Variants in NR3C2 observed in about 807,000 individuals in gnomAD.
NR3C2 encodes the protein mineralocorticoid receptor.
In NR3C2, 15 loss-of-function variants were observed where a neutral mutation model predicts 86.4. That is an observed-to-expected ratio of 0.17 (90% CI 0.12 to 0.27). NR3C2 has a LOEUF of 0.27. NR3C2 is among the 10% of genes least tolerant of loss of function. The pLI, the probability that NR3C2 is intolerant of heterozygous loss-of-function variation, is 1.00. For missense variants in NR3C2, 960 were observed against 1,195.6 expected (o/e 0.80, Z 2.91); for synonymous variants, 458 against 450.5 (o/e 1.02, Z -0.21).
At chr4:148,376,835 T>A (rs1746704642) in intron 2 of NR3C2, among the ~76,000 whole-genome samples, 2 of 152,174 alleles carry the variant, frequency 1.3e-5, no homozygotes, top group South Asian at 4.1e-4. Context: ...TACAGGATAT[T>A]CCTAATTTAT....
At chr4:148,236,427 GA>G (rs2149842716) in intron 3 of NR3C2, among the ~76,000 whole-genome samples, 1 of 152,136 alleles carries the variant, frequency 6.6e-6, no homozygotes, top group East Asian at 1.9e-4. Flanking sequence ...TCATATGGGT[GA>G]AAAGATAACT....
chr4:148,346,002 G>C (rs770077043), intron 2 of NR3C2, among the ~76,000 whole-genome samples: 6 of 152,118 alleles, frequency 3.9e-5, no homozygotes, highest in Non-Finnish European at 7.4e-5. Flanking sequence ...GGGACAAAAT[G>C]AATGTTGCTA....
At chr4:148,133,390 A>C (rs1733124499) in intron 6 of NR3C2, among the ~76,000 whole-genome samples, 3 of 152,116 alleles carry the variant, frequency 2.0e-5, no homozygotes, top group Non-Finnish European at 2.9e-5. Context: ...TTTGGGTATA[A>C]ACGTAAAGAC....
chr4:148,436,245 T>G lies in NR3C2; in HGVS notation c.616A>C (p.Ser206Arg). Residue 206 changes from serine to arginine, a missense_variant, in exon 2 of 9, where the codon AGC (serine) becomes CGC (arginine). By Grantham distance (110) the Ser-to-Arg change is moderately radical. Transcript: ENST00000358102. ...SPLNMTSSVC[S>R]PAGINSVSST... is the part of the protein sequence containing the mutation. ...GACACAGAGTTGATTCCAGCAGGGC[T>G]GCAAACCGAAGATGTCATGTTCAGA... 1.2e-6 allele frequency: 2 copies of G among 1,614,176 alleles called. No homozygotes were observed. Among genetic ancestry groups the G allele is most frequent in the Non-Finnish European group, 1.7e-6 (2 of 1,180,034 alleles).
chr4:148,202,907 G>C (rs1433759774), intron 3 of NR3C2, among the ~76,000 whole-genome samples: 2 of 152,126 alleles, frequency 1.3e-5, no homozygotes, highest in South Asian at 2.1e-4. Context: ...TGACAGTGAA[G>C]GCATAGTTTA....
chr4:148,147,194 T>C (rs1451972324), intron 6 of NR3C2, among the ~76,000 whole-genome samples: 2 of 152,340 alleles, frequency 1.3e-5, no homozygotes, highest in African/African-American at 4.8e-5. Context: ...ATGTTTCCTT[T>C]ATTATTCCCT....
intron 2 of NR3C2, among the ~76,000 whole-genome samples, chr4:148,373,812 G>A (rs1746542408): frequency 1.3e-5 from 2 of 152,074 alleles, no homozygotes; most frequent in Admixed American, 1.3e-4. Flanking sequence ...TTGAAGTTAA[G>A]TATAGTCACA....
chr4:148,378,431 T>TCA (rs1462847783), intron 2 of NR3C2, among the ~76,000 whole-genome samples: 34 of 152,070 alleles, frequency 2.2e-4, no homozygotes, highest in African/African-American at 8.0e-4. Flanking sequence ...GGATATGGGT[T>TCA]CCCAGCCAAA....
intron 7 of NR3C2, among the ~76,000 whole-genome samples, chr4:148,114,678 G>A (rs1732193996): frequency 6.6e-6 from 1 of 152,182 alleles, no homozygotes; most frequent in Admixed American, 6.5e-5. Context: ...ACATTGCCTT[G>A]TGGCTGGTCA....
rs1464575178 is a variant in NR3C2, at chr4:148,435,410, C to T, written c.1451G>A (p.Cys484Tyr). 8.7e-6 allele frequency: 14 copies of T among 1,614,176 alleles called. No individual in the cohort carries two copies. Among genetic ancestry groups the T allele is most frequent in the Non-Finnish European group, 1.2e-5 (14 of 1,180,038 alleles). ...GPPVPGFDGN[C>Y]EGSGFPVGIK... Reference sequence around the variant, plus strand: ...ACCCACTGGGAATCCGCTGCCTTCACAGTTACCATCAAAGCCGGGCACAGG... The same window carrying T: ...ACCCACTGGGAATCCGCTGCCTTCATAGTTACCATCAAAGCCGGGCACAGG... Residue 484 changes from cysteine (C) to tyrosine (Y), a missense_variant, in exon 2 of 9, where the codon TGT becomes TAT. This residue lies in a region of NR3C2 where 680 missense variants were observed against 719.0 expected (regional missense o/e 0.95). Coordinates refer to ENST00000358102, the MANE Select transcript of NR3C2 (RefSeq NM_000901.5).
chr4:148,314,977 T>C (rs1490418158), intron 2 of NR3C2, among the ~76,000 whole-genome samples: 1 of 152,178 alleles, frequency 6.6e-6, no homozygotes, highest in African/African-American at 2.4e-5. Context: ...ATGACATGTA[T>C]TTTTAAAGTC....
At chr4:148,181,731 G>A (rs1735655614) in intron 4 of NR3C2, among the ~76,000 whole-genome samples, 1 of 152,136 alleles carries the variant, frequency 6.6e-6, no homozygotes. Flanking sequence ...TCAAAGAACT[G>A]TTATTTTCCT....
chr4:148,331,137 T>C (rs893137241), intron 2 of NR3C2, among the ~76,000 whole-genome samples: 48 of 152,174 alleles, frequency 3.2e-4, no homozygotes, highest in Admixed American at 2.0e-4. Context: ...AATGGGTCAA[T>C]AGATCTAATC....
At chr4:148,352,857 T>C (rs1745363962) in intron 2 of NR3C2, among the ~76,000 whole-genome samples, 1 of 152,172 alleles carries the variant, frequency 6.6e-6, no homozygotes, top group Admixed American at 6.5e-5. Context: ...AAAATAAAGA[T>C]TCTTATGTAA....
At chr4:148,160,436 T>C (rs1734605277) in intron 4 of NR3C2, among the ~76,000 whole-genome samples, 1 of 152,164 alleles carries the variant, frequency 6.6e-6, no homozygotes, top group African/African-American at 2.4e-5. Context: ...ACATACCCTT[T>C]TGACAAGCCA....
chr4:148,142,696 A>G (rs538601592), intron 6 of NR3C2, among the ~76,000 whole-genome samples: 17 of 152,222 alleles, frequency 1.1e-4, no homozygotes, highest in African/African-American at 4.1e-4. Flanking sequence ...GGGTTTCACC[A>G]TGTTACCCAG....
chr4:148,299,684 T>C (rs1239707789), intron 2 of NR3C2, among the ~76,000 whole-genome samples: 2 of 152,220 alleles, frequency 1.3e-5, no homozygotes, highest in African/African-American at 4.8e-5. Flanking sequence ...CATCTCCCTG[T>C]TGGAGAAACC....
chr4:148,357,254 C>T (rs559945945), intron 2 of NR3C2, among the ~76,000 whole-genome samples: 1 of 152,100 alleles, frequency 6.6e-6, no homozygotes, highest in South Asian at 2.1e-4. Flanking sequence ...ATTGTTAAGT[C>T]TTCATTTACA....
intron 3 of NR3C2, among the ~76,000 whole-genome samples, chr4:148,210,244 G>A (rs1367161716): frequency 6.6e-6 from 1 of 152,124 alleles, no homozygotes. Flanking sequence ...AGGCTGGAGT[G>A]CAGTGGCGCA....
Sources: gnomAD v4.1 joint callset for allele counts (sites outside exome capture counted in the v4.1 genomes callset) on GRCh38, gnomAD v4.1.1 for gene constraint, gnomAD v4.1.1 regional missense constraint, MANE v1.5 for transcripts, NCBI Gene and HGNC (gene_info 2026-07-23, HGNC 2026-07-21) for gene names.